The following SLC36A2 variants were observed in gnomAD, a reference collection of about 807,000 sequenced individuals.
SLC36A2 encodes the protein solute carrier family 36 member 2, also known as proton-coupled amino acid transporter 2.
Under a neutral mutation model 42.7 loss-of-function variants are expected in SLC36A2, and 39 were observed. The ratio of observed to expected loss-of-function variants is 0.91; its 90% CI spans 0.71 to 1.19. SLC36A2 has a LOEUF of 1.19. Ranked by LOEUF, SLC36A2 falls within the 50% of genes most tolerant of loss-of-function variation. The pLI is 0.00. For synonymous variants in SLC36A2, 237 were observed against 240.8 expected (o/e 0.98, Z 0.15); for missense variants, 590 against 613.7 (o/e 0.96, Z 0.41).
chr5:151,342,052 A>T (rs1756361570), intron 4 of SLC36A2, among the ~76,000 whole-genome samples: 1 of 152,114 alleles, frequency 6.6e-6, no homozygotes, highest in African/African-American at 2.4e-5. Context: ...CTTACAATCT[A>T]TTCTCCTTAG....
intron 7 of SLC36A2, among the ~76,000 whole-genome samples, chr5:151,329,664 A>T (rs1580851285): frequency 6.6e-6 from 1 of 152,022 alleles, no homozygotes; most frequent in Non-Finnish European, 1.5e-5. Context: ...TAAATAACTG[A>T]CTGTAGGGGC....
At chr5:151,343,409 GA>G in intron 3 of SLC36A2, 100 bp downstream of exon 3, 2 of 1,260,644 alleles carry the variant, frequency 1.6e-6, no homozygotes, top group Non-Finnish European at 2.3e-6. Context: ...CCTTATTGGA[GA>G]AAACTAAGAA....
At chr5:151,326,271 C>G (rs1324157978) in intron 7 of SLC36A2, among the ~76,000 whole-genome samples, 1 of 152,228 alleles carries the variant, frequency 6.6e-6, no homozygotes, top group African/African-American at 2.4e-5. Context: ...ATATGAATGC[C>G]TTTAGGCACA....
chr5:151,320,409 A>T (rs1372914325), intron 9 of SLC36A2, among the ~76,000 whole-genome samples: 1 of 149,412 alleles, frequency 6.7e-6, no homozygotes, highest in Admixed American at 6.7e-5. Flanking sequence ...AAAAAAAAGA[A>T]TTTCCTAAAT....
At position 151,315,372 on chromosome 5, in the gene SLC36A2, T is replaced by A. The variant is rs1350738396; in HGVS notation, c.*1445A>T. 6.6e-6 allele frequency: 1 copy of A among 152,336 alleles called. No homozygotes were observed. Among genetic ancestry groups the A allele is most frequent in the African/African-American group, 2.4e-5 (1 of 41,468 alleles). The allele number at this position is 152,336 out of a possible 1,614,324, so 9.4% of individuals were successfully genotyped here. ...GGCTGGGCGTGGTGGCTCACACTTG[T>A]AATCTCAGCACTTTGGGAGGCCGAG... is the stretch of plus-strand genomic sequence containing the variant. On this transcript the variant is annotated 3_prime_UTR_variant, in exon 10 of 10. Transcript: ENST00000335244.
chr5:151,347,433 G>C lies in SLC36A2; in HGVS notation c.28C>G (p.Pro10Ala). The C allele has an allele frequency of 1.2e-6, 2 of 1,614,148 alleles. No homozygotes were observed. The highest frequency in any genetic ancestry group is 1.7e-6 in the Non-Finnish European group (2 of 1,180,042). Residue 10 changes from proline (P) to alanine (A), a missense_variant, in exon 1 of 10, where the codon CCC (proline) becomes GCC (alanine). By Grantham distance (27) the Pro-to-Ala change is conservative (BLOSUM62 -1). Coordinates refer to ENST00000335244, the MANE Select transcript of SLC36A2 (RefSeq NM_181776.3). MSVTKSTEG[P>A]QGAVAIKLDL... ...AATTTGATGGCAACGGCTCCCTGGGGACCCTCAGTACTTTTTGTCACAGAC... is the reference window on the plus strand; with the variant it reads ...AATTTGATGGCAACGGCTCCCTGGGCACCCTCAGTACTTTTTGTCACAGAC...
chr5:151,344,380 G>T, intron 1 of SLC36A2, 113 bp from the exon 2 acceptor site: 1 of 862,980 alleles, frequency 1.2e-6, no homozygotes, highest in Non-Finnish European at 1.9e-6. Context: ...CCATCTCTCA[G>T]TCCATGAGTC....
At chr5:151,337,602 T>G (rs1245838583) in intron 5 of SLC36A2, among the ~76,000 whole-genome samples, 1 of 152,180 alleles carries the variant, frequency 6.6e-6, no homozygotes, top group Admixed American at 6.5e-5. Context: ...TAAAGAGCAA[T>G]CTGGCAATGT....
intron 7 of SLC36A2, among the ~76,000 whole-genome samples, chr5:151,329,682 C>T (rs958075676): frequency 1.1e-4 from 16 of 151,914 alleles, no homozygotes; most frequent in Admixed American, 7.2e-4. Flanking sequence ...GGCTTGATAG[C>T]GGAATGTAGA....
At chr5:151,321,475 T>G (rs547129646) in intron 9 of SLC36A2, among the ~76,000 whole-genome samples, 1 of 151,200 alleles carries the variant, frequency 6.6e-6, no homozygotes, top group Non-Finnish European at 1.5e-5. Context: ...TGTGCCAGAG[T>G]GCGCAGCAAG....
chr5:151,343,607 A>C lies in SLC36A2; in HGVS notation c.256-9T>G. 6.2e-7 allele frequency: 1 copy of C among 1,612,260 alleles called. No homozygotes were observed. Among genetic ancestry groups the C allele is most frequent in the African/African-American group, 1.3e-5 (1 of 75,010 alleles). Reference sequence around the variant, plus strand: ...AGACTGAGTGGGCCCATCTGGAGGAAGGGGAGGCAAGGGGCGAGGGAGGAG... The same window carrying C: ...AGACTGAGTGGGCCCATCTGGAGGACGGGGAGGCAAGGGGCGAGGGAGGAG... On this transcript the variant is annotated splice_polypyrimidine_tract_variant and intron_variant, in intron 2 of 9. Transcript: ENST00000335244.
At chr5:151,333,136 C>T (rs370500913) in intron 7 of SLC36A2, 88 bp downstream of exon 7, 8 of 1,213,444 alleles carry the variant, frequency 6.6e-6, no homozygotes, top group East Asian at 4.7e-5. Context: ...CAATGGCCAG[C>T]GGGACACAGA....
intron 8 of SLC36A2, among the ~76,000 whole-genome samples, chr5:151,324,306 C>CTTAT (rs58169831): frequency 0.25 from 35,450 of 140,718 alleles, 5,258 homozygotes; most frequent in East Asian, 0.5. Flanking sequence ...CCATGCCTGG[C>CTTAT]TTATTTATTT....
chr5:151,325,717 T>A (rs1364165005), intron 7 of SLC36A2, among the ~76,000 whole-genome samples: 2 of 152,192 alleles, frequency 1.3e-5, no homozygotes, highest in Non-Finnish European at 2.9e-5. Flanking sequence ...GGAAGTTTTG[T>A]CTCATGCTAA....
At chr5:151,344,695 A>G (rs933541665) in intron 1 of SLC36A2, among the ~76,000 whole-genome samples, 2 of 152,156 alleles carry the variant, frequency 1.3e-5, no homozygotes, top group African/African-American at 4.8e-5. Context: ...CTTCACCCCT[A>G]CTTCTGCTGA....
At chr5:151,342,825 C>G in intron 4 of SLC36A2, 63 bp downstream of exon 4, 1 of 1,414,506 alleles carries the variant, frequency 7.1e-7, no homozygotes, top group Non-Finnish European at 1.0e-6. Flanking sequence ...AGAAGTCACC[C>G]TGATAGCAGC....
At chr5:151,322,269 C>T (rs1755718580) in intron 8 of SLC36A2, 54 bp from the exon 9 acceptor site, 1 of 1,598,854 alleles carries the variant, frequency 6.3e-7, no homozygotes, top group South Asian at 1.1e-5. Context: ...CTGACACTGG[C>T]CTCCTTGGAA....
At chr5:151,337,436 T>C (rs1756192297) in intron 5 of SLC36A2, among the ~76,000 whole-genome samples, 1 of 152,214 alleles carries the variant, frequency 6.6e-6, no homozygotes, top group South Asian at 2.1e-4. Flanking sequence ...AAATATCATA[T>C]TGATATTTAA....
Position 151,325,273 on chromosome 5 carries a change from C to A in SLC36A2, c.1010+13G>T, listed in dbSNP as rs755501638. 5 of 1,612,038 alleles carry A rather than the reference C, an allele frequency of 3.1e-6. No individual in the cohort carries two copies. Among genetic ancestry groups the A allele is most frequent in the Non-Finnish European group, 3.4e-6 (4 of 1,179,132 alleles). ...TTCCTGAGTCCCCACCACCTGACAGCCCATGAAGATACCAGCAGTTAGGCA... is the reference window on the plus strand; with the variant it reads ...TTCCTGAGTCCCCACCACCTGACAGACCATGAAGATACCAGCAGTTAGGCA... On this transcript the variant is annotated intron_variant, in intron 8 of 9. Coordinates refer to ENST00000335244, the MANE Select transcript of SLC36A2 (RefSeq NM_181776.3).
Sources: gnomAD v4.1 joint callset for allele counts (sites outside exome capture counted in the v4.1 genomes callset) on GRCh38, gnomAD v4.1.1 for gene constraint, MANE v1.5 for transcripts, NCBI Gene and HGNC (gene_info 2026-07-23, HGNC 2026-07-21) for gene names.